KRAS: variants seen among roughly 807,000 people sequenced by gnomAD.
KRAS encodes the protein GTPase KRas.
A neutral mutation model predicts 21.0 loss-of-function variants in KRAS; 1 was observed. The ratio of observed to expected loss-of-function variants is 0.05; its 90% confidence interval spans 0.02 to 0.23. The LOEUF is 0.23. Ranked by LOEUF, KRAS falls within the 10% of genes least tolerant of loss-of-function variation. KRAS has a pLI of 1.00. For missense variants in KRAS, 107 were observed against 221.8 expected (o/e 0.48, Z 3.29); for synonymous variants, 67 against 72.5 (o/e 0.92, Z 0.39).
In KRAS at chr12:25,227,263, A is replaced by T. The variant is rs1565884900; in HGVS notation, c.261T>A (p.Thr87=). Residue 87 remains threonine, a synonymous_variant, in exon 3 of 5, where the codon ACT becomes ACA. Coordinates refer to ENST00000311936, the MANE Select transcript of KRAS (RefSeq NM_004985.5). ...AATGGTGAATATCTTCAAATGATTT[A>T]GTATTATTTATGGCAAATACACAAA... ...GFLCVFAINN[T]KSFEDIHHYR... The T allele has an allele frequency of 1.9e-6, 3 of 1,613,476 alleles. No individual in the cohort carries two copies. The highest frequency in any genetic ancestry group is 1.7e-6 in the Non-Finnish European group (2 of 1,179,388).
rs1951158634 is a variant in KRAS at position 25,208,054 on chromosome 12, T to G, written c.*1741A>C. ...TATAAACTTCACCTCTTGCACAATT[T>G]TGCCCAAGACTGGCACTGAAGATGG... On this transcript the variant is annotated 3_prime_UTR_variant, in exon 5 of 5. Transcript: ENST00000311936. The G allele has an allele frequency of 4.3e-6, 1 of 233,350 alleles. No individual in the cohort carries two copies. The highest frequency in any genetic ancestry group is 8.5e-6 in the Non-Finnish European group (1 of 118,034). 14.5% of individuals were successfully genotyped at this position (233,350 alleles called of 1,614,324 possible). A position where few individuals can be genotyped will look rare whatever the true frequency, so the allele number is the denominator to read the frequency against.
rs755877953 is a variant in KRAS, at chr12:25,215,533, C to T, written c.451-5622G>A. 3.4e-5 allele frequency: 55 copies of T among 1,611,778 alleles called. No individual in the cohort carries two copies. Among genetic ancestry groups the T allele is most frequent in the Non-Finnish European group, 4.7e-5 (55 of 1,178,214 alleles). On this transcript the variant is annotated intron_variant, in intron 4 of 4. Transcript: ENST00000311936. ...AATCTGTATTGTCGGATCTCTCTCA[C>T]CAATGTATAAAAAGCATCCTCCACT...
chr12:25,245,529 AC>A (rs762568116), intron 1 of KRAS, 134 bp from the exon 2 acceptor site: 3 of 940,292 alleles, frequency 3.2e-6, no homozygotes, highest in Non-Finnish European at 4.8e-6. Context: ...AAAATACCTT[AC>A]AAAATTCAAT....
intron 2 of KRAS, among the ~76,000 whole-genome samples, chr12:25,227,659 CTAT>C (rs1325791812): frequency 6.6e-6 from 1 of 151,810 alleles, no homozygotes; most frequent in Non-Finnish European, 1.5e-5. Context: ...TTAGGATTGG[CTAT>C]TATTAAAAAA....
chr12:25,208,496 T>C lies in KRAS; in HGVS notation c.*1299A>G, dbSNP rs570991614. On this transcript the variant is annotated 3_prime_UTR_variant, in exon 5 of 5. Coordinates refer to ENST00000311936, the MANE Select transcript of KRAS (RefSeq NM_004985.5). ...CCTAGAGATTGTAAAACTTTTTCACTTCATTGTTTAAAAAAAAAATTAATG... is the reference window on the plus strand; with the variant it reads ...CCTAGAGATTGTAAAACTTTTTCACCTCATTGTTTAAAAAAAAAATTAATG... 5.1e-4 allele frequency: 119 copies of C among 233,306 alleles called. No individual in the cohort carries two copies. Among genetic ancestry groups the C allele is most frequent in the African/African-American group, 2.5e-3 (113 of 45,426 alleles). The allele number at this position is 233,306 out of a possible 1,614,324, so 14.5% of individuals were successfully genotyped here. A position where few individuals can be genotyped will look rare whatever the true frequency, so the allele number is the denominator to read the frequency against.
chr12:25,225,291 TATATATATATATATATATATATATA>T lies in KRAS; in HGVS notation c.450+298_450+322del, dbSNP rs369535718. On this transcript the variant is annotated intron_variant, in intron 4 of 4. Coordinates refer to ENST00000311936, the MANE Select transcript of KRAS (RefSeq NM_004985.5). The stretch of plus-strand genomic sequence containing the variant: ...AAAATTTGTTGCCCTGTTCTTTATA[TATATATATATATATATATATATATA>T]TATATATATATATATATATGTAACC... The T allele has an allele frequency of 0.54, 73,337 of 137,024 alleles. 22,183 individuals are homozygous for T. Among genetic ancestry groups the T allele is most frequent in the East Asian group, 0.82 (4,255 of 5,188 alleles). The allele number at this position is 137,024 out of a possible 1,614,324, so 8.5% of individuals were successfully genotyped here.
At chr12:25,214,642 C>A (rs1329315490) in intron 4 of KRAS, among the ~76,000 whole-genome samples, 1 of 152,208 alleles carries the variant, frequency 6.6e-6, no homozygotes, top group East Asian at 1.9e-4. Flanking sequence ...CCCGCCTAGG[C>A]CTCCCAAAGT....
Position 25,209,701 on chromosome 12 carries a change from T to C in KRAS, c.*94A>G. The C allele has an allele frequency of 6.6e-7, 1 of 1,519,298 alleles. No homozygotes were observed. The highest frequency in any genetic ancestry group is 8.8e-7 in the Non-Finnish European group (1 of 1,133,620). The allele number at this position is 1,519,298 out of a possible 1,614,324, so 94.1% of individuals were successfully genotyped here. The stretch of plus-strand genomic sequence containing the variant: ...AGTCTGCATGGAGCAGGAAAAAAAT[T>C]AGGTAATGCTAAAACAAATGCTAAT... On this transcript the variant is annotated 3_prime_UTR_variant, in exon 5 of 5. Coordinates refer to ENST00000311936, the MANE Select transcript of KRAS (RefSeq NM_004985.5).
At chr12:25,237,259 T>C (rs1462774340) in intron 2 of KRAS, among the ~76,000 whole-genome samples, 1 of 152,178 alleles carries the variant, frequency 6.6e-6, no homozygotes, top group East Asian at 1.9e-4. Flanking sequence ...GGGGAGTGGC[T>C]GCTAATGGAT....
chr12:25,225,286 T>TTATATATATA (rs68164603), intron 4 of KRAS: 1 of 10,620 alleles, frequency 9.4e-5, no homozygotes, highest in African/African-American at 4.6e-4. Context: ...GCCCTGTTCT[T>TTATATATATA]TATATATATA....
In KRAS at chr12:25,206,532, AC is replaced by A. The variant is rs201705904; in HGVS notation, c.*3262del. 1.1e-5 allele frequency: 1 copy of A among 90,772 alleles called. No individual in the cohort carries two copies. Among genetic ancestry groups the A allele is most frequent in the Admixed American group, 1.9e-4 (1 of 5,280 alleles). 5.6% of individuals were successfully genotyped at this position (90,772 alleles called of 1,614,324 possible). On this transcript the variant is annotated 3_prime_UTR_variant, in exon 5 of 5. Coordinates refer to ENST00000311936, the MANE Select transcript of KRAS (RefSeq NM_004985.5). ...TTCAAAGTTCACATAAAGGTAATTA[AC>A]CACTACCTTAAAAAAATGCCCATCT...
chr12:25,220,669 G>A (rs1255714544), intron 4 of KRAS, among the ~76,000 whole-genome samples: 1 of 150,966 alleles, frequency 6.6e-6, no homozygotes, highest in Non-Finnish European at 1.5e-5. Context: ...GGAGGTTGCA[G>A]TGAGCCAGGA....
chr12:25,243,046 A>C (rs1315768789), intron 2 of KRAS, among the ~76,000 whole-genome samples: 2 of 152,172 alleles, frequency 1.3e-5, no homozygotes, highest in African/African-American at 2.4e-5. Flanking sequence ...TAATTCCAAA[A>C]TGTGCAGTCA....
chr12:25,247,600 C>T (rs918602697), intron 1 of KRAS, among the ~76,000 whole-genome samples: 71 of 152,196 alleles, frequency 4.7e-4, no homozygotes, highest in Non-Finnish European at 2.2e-4. Context: ...AACCAGTTTG[C>T]ATAGCCTAAA....
At chr12:25,240,804 A>G (rs1387704559) in intron 2 of KRAS, among the ~76,000 whole-genome samples, 2 of 152,228 alleles carry the variant, frequency 1.3e-5, no homozygotes, top group African/African-American at 4.8e-5. Flanking sequence ...CATGACCAGT[A>G]AAGTTTTATA....
intron 2 of KRAS, among the ~76,000 whole-genome samples, chr12:25,232,392 T>C (rs952512916): frequency 1.3e-5 from 2 of 152,220 alleles, no homozygotes; most frequent in African/African-American, 4.8e-5. Context: ...TGTAAGTTAA[T>C]AACTCTTCAC....
chr12:25,215,558 T>A (rs2141489227), intron 4 of KRAS: 1 of 1,610,090 alleles, frequency 6.2e-7, no homozygotes, highest in Non-Finnish European at 8.5e-7. Context: ...CATCCTCCAC[T>A]CTCTGCATTG....
chr12:25,244,679 AT>A (rs535646381), intron 2 of KRAS, among the ~76,000 whole-genome samples: 8 of 151,746 alleles, frequency 5.3e-5, no homozygotes, highest in East Asian at 1.9e-4. Flanking sequence ...TACTCAAGGA[AT>A]TTTTTTTTAA....
In KRAS at chr12:25,209,251, A is replaced by G; in HGVS notation, c.*544T>C. 1 of 684,264 alleles carries G rather than the reference A, an allele frequency of 1.5e-6. No individual in the cohort carries two copies. The highest frequency in any genetic ancestry group is 2.7e-6 in the Non-Finnish European group (1 of 375,688). The allele number at this position is 684,264 out of a possible 1,614,324, so 42.4% of individuals were successfully genotyped here. On this transcript the variant is annotated 3_prime_UTR_variant, in exon 5 of 5. Coordinates refer to ENST00000311936, the MANE Select transcript of KRAS (RefSeq NM_004985.5). ...TGACTAATAGCAGTGGAAAGGAGAC[A>G]AAACCTTTGTGAACAGTGTAACTTT...
Sources: gnomAD v4.1 joint callset for allele counts (sites outside exome capture counted in the v4.1 genomes callset) on GRCh38, gnomAD v4.1.1 for gene constraint, MANE v1.5 for transcripts, NCBI Gene and HGNC (gene_info 2026-07-23, HGNC 2026-07-21) for gene names.